LAPTM4A: variants seen among roughly 807,000 people sequenced by gnomAD.
LAPTM4A encodes the protein lysosomal protein transmembrane 4 alpha.
A neutral mutation model predicts 29.9 loss-of-function variants in LAPTM4A; 19 were observed. The observed-to-expected ratio is 0.64, with a 90% CI of 0.44 to 0.93. The LOEUF (loss-of-function observed/expected upper bound fraction) is 0.93. Ranked by LOEUF, LAPTM4A falls within the 40% of genes least tolerant of loss-of-function variation. LAPTM4A has a pLI of 0.00. For synonymous variants in LAPTM4A, 105 were observed against 102.1 expected (o/e 1.03, Z -0.17); for missense variants, 293 against 288.5 (o/e 1.02, Z -0.11).
At chr2:20,046,201 G>A (rs1464493124) in intron 1 of LAPTM4A, among the ~76,000 whole-genome samples, 3 of 152,156 alleles carry the variant, frequency 2.0e-5, no homozygotes, top group Admixed American at 6.5e-5. Context: ...GCCTGTCAGC[G>A]GGTGGCGGGC....
At chr2:20,041,992 T>A (rs1445158087) in intron 1 of LAPTM4A, among the ~76,000 whole-genome samples, 2 of 152,230 alleles carry the variant, frequency 1.3e-5, no homozygotes, top group East Asian at 3.9e-4. Context: ...TTCCCTTTTG[T>A]CTTCCTCTTT....
At chr2:20,034,440 C>T (rs772620088) in intron 5 of LAPTM4A, 25 bp from the exon 6 acceptor site, 2 of 1,486,860 alleles carry the variant, frequency 1.3e-6, no homozygotes, top group Non-Finnish European at 1.9e-6. Flanking sequence ...ACAAAGTTGA[C>T]ATCTGCTAGA....
In LAPTM4A at chr2:20,048,164, G is replaced by A. The variant is rs1558387529; in HGVS notation, c.111+3246C>T. Among the ~76,000 whole-genome samples the A allele has an allele frequency of 2.0e-5, 3 of 152,132 alleles. No homozygotes were observed. The South Asian group carries it at 6.2e-4, about 32-fold the overall frequency. ...AATGCTCAAAATGTAGTCTTGTAGTGCACACCATTAATCACAAAGTATATC... is the reference window on the plus strand; with the variant it reads ...AATGCTCAAAATGTAGTCTTGTAGTACACACCATTAATCACAAAGTATATC... On this transcript the variant is annotated intron_variant, in intron 1 of 6. Transcript: ENST00000175091.
At chr2:20,045,645 T>C (rs1056714525) in intron 1 of LAPTM4A, among the ~76,000 whole-genome samples, 1 of 152,188 alleles carries the variant, frequency 6.6e-6, no homozygotes, top group Non-Finnish European at 1.5e-5. Flanking sequence ...TTCTACATCT[T>C]ATGTAAGTGT....
chr2:20,049,837 G>C (rs1674013632), intron 1 of LAPTM4A, among the ~76,000 whole-genome samples: 1 of 152,140 alleles, frequency 6.6e-6, no homozygotes, highest in African/African-American at 2.4e-5. Context: ...AGACGGAATT[G>C]AGTAATAGCC....
chr2:20,035,078 A>C lies in LAPTM4A; in HGVS notation c.433-16T>G. 6.4e-7 allele frequency: 1 copy of C among 1,559,612 alleles called. No individual in the cohort carries two copies. The highest frequency in any genetic ancestry group is 8.8e-7 in the Non-Finnish European group (1 of 1,132,584). On this transcript the variant is annotated splice_polypyrimidine_tract_variant and intron_variant, in intron 4 of 6. Coordinates refer to ENST00000175091, the MANE Select transcript of LAPTM4A (RefSeq NM_014713.5). ...GAAAATCAGGCTATTAAAGAAACAC[A>C]CACACATTTACAAGTCAGCCATCGC...
intron 2 of LAPTM4A, among the ~76,000 whole-genome samples, chr2:20,037,935 T>C (rs1346124441): frequency 6.6e-6 from 1 of 152,136 alleles, no homozygotes; most frequent in African/African-American, 2.4e-5. Flanking sequence ...AATCTGAAGA[T>C]GTGCAAACAG....
chr2:20,034,523 G>A, intron 5 of LAPTM4A, 108 bp from the exon 6 acceptor site: 1 of 769,438 alleles, frequency 1.3e-6, no homozygotes, highest in Non-Finnish European at 2.3e-6. Context: ...TGTGTAGAAG[G>A]GAGCTGACCT....
chr2:20,039,499 A>C (rs1673748144), intron 2 of LAPTM4A, among the ~76,000 whole-genome samples: 4 of 152,172 alleles, frequency 2.6e-5, no homozygotes. Flanking sequence ...CATGCCTGTA[A>C]TCTCAGCACT....
chr2:20,035,345 C>T (rs1673658057), intron 4 of LAPTM4A: 2 of 367,326 alleles, frequency 5.4e-6, no homozygotes, highest in Non-Finnish European at 1.0e-5. Context: ...TCTTTCTGGC[C>T]TTTGGAAAAA....
At chr2:20,047,639 G>A (rs1370914849) in intron 1 of LAPTM4A, among the ~76,000 whole-genome samples, 2 of 148,870 alleles carry the variant, frequency 1.3e-5, no homozygotes, top group East Asian at 2.0e-4. Context: ...GCAGTGAGCC[G>A]AGATTGCGCC....
Position 20,040,954 on chromosome 2 carries a change from T to G in LAPTM4A, c.169A>C (p.Met57Leu). 1 of 1,613,550 alleles carries G rather than the reference T, an allele frequency of 6.2e-7. No homozygotes were observed. Among genetic ancestry groups the G allele is most frequent in the Non-Finnish European group, 8.5e-7 (1 of 1,179,440 alleles). The change falls in exon 2 of 7, where the codon ATG (methionine) becomes CTG (leucine). Residue 57 changes from methionine (M) to leucine (L), a missense_variant. Coordinates refer to ENST00000175091, the MANE Select transcript of LAPTM4A (RefSeq NM_014713.5). ...TCATACTGAATGTTGACAGCTGGCA[T>G]GGAGTTTGGATGAGTCACTTCCACA... ...LTVEVTHPNS[M>L]PAVNIQYEVI... is the part of the protein sequence containing the mutation.
At chr2:20,038,923 C>CTTTTTTTT (rs530861842) in intron 2 of LAPTM4A, among the ~76,000 whole-genome samples, 1 of 148,232 alleles carries the variant, frequency 6.7e-6, no homozygotes. Context: ...GTATATACAA[C>CTTTTTTTT]TTTTTTTTTT....
intron 1 of LAPTM4A, among the ~76,000 whole-genome samples, chr2:20,048,970 T>A (rs1325849536): frequency 1.3e-5 from 2 of 152,222 alleles, no homozygotes; most frequent in Non-Finnish European, 2.9e-5. Flanking sequence ...AAGCTACTCT[T>A]TTGAAAGTCA....
At position 20,033,252 on chromosome 2, in the gene LAPTM4A, C is replaced by A. The variant is rs745859129; in HGVS notation, c.655G>T (p.Val219Leu). ...GGTGGTTCTTTTTCAGGCATTTTCA[C>A]GGCCATTTCATAGGTTGGCAAAACG... is the stretch of plus-strand genomic sequence containing the variant. The part of the protein sequence containing the change: ...QYVLPTYEMA[V>L]KMPEKEPPPP... Residue 219 changes from valine to leucine, a missense_variant, in exon 7 of 7, where the codon GTG becomes TTG. Physicochemically the swap from Val to Leu is conservative, Grantham distance 32. Transcript: ENST00000175091. The A allele has an allele frequency of 6.2e-7, 1 of 1,613,982 alleles. No individual in the cohort carries two copies. The highest frequency in any genetic ancestry group is 8.5e-7 in the Non-Finnish European group (1 of 1,179,932).
intron 1 of LAPTM4A, among the ~76,000 whole-genome samples, chr2:20,044,233 A>G (rs1673864718): frequency 6.6e-6 from 1 of 152,212 alleles, no homozygotes; most frequent in Non-Finnish European, 1.5e-5. Flanking sequence ...CAACTAGGTG[A>G]ATTAATTACT....
At position 20,051,488 on chromosome 2, in the gene LAPTM4A, A is replaced by G; in HGVS notation, c.33T>C (p.Ser11=). The G allele has an allele frequency of 1.2e-6, 2 of 1,611,948 alleles. No homozygotes were observed. The highest frequency in any genetic ancestry group is 1.7e-6 in the Non-Finnish European group (2 of 1,179,016). The change falls in exon 1 of 7, where the codon AGT becomes AGC. Residue 11 remains serine, a synonymous_variant. Transcript: ENST00000175091. MVSMSFKRNR[S]DRFYSTRCCG... ...AGCACCGGGTGCTGTAGAACCGGTCACTGCGGTTCCGCTTGAAACTCATGG... is the reference window on the plus strand; with the variant it reads ...AGCACCGGGTGCTGTAGAACCGGTCGCTGCGGTTCCGCTTGAAACTCATGG...
intron 4 of LAPTM4A, 36 bp downstream of exon 4, chr2:20,037,280 G>T (rs1450356654): frequency 6.8e-7 from 1 of 1,473,416 alleles, no homozygotes; most frequent in Non-Finnish European, 9.2e-7. Context: ...TACTCAAAAT[G>T]AAAAAAAAAT....
rs1234715681 is a variant in LAPTM4A, at chr2:20,051,452, G to T, written c.69C>A (p.Cys23Ter). Residue 23 changes from cysteine to a stop codon, truncating the protein, a stop_gained, in exon 1 of 7, where the codon TGC (cysteine) becomes TGA (stop). Coordinates refer to ENST00000175091, the MANE Select transcript of LAPTM4A (RefSeq NM_014713.5). LOFTEE classifies it high-confidence loss of function. ...GGATGATCGTCCCGGTGCGGACATG[G>T]CAACAGCCGCAGCACCGGGTGCTGT... ...RFYSTRCCGC[C>*]HVRTGTIILG... is the part of the protein sequence containing the mutation. 1.2e-6 allele frequency: 2 copies of T among 1,613,296 alleles called. No homozygotes were observed. The highest frequency in any genetic ancestry group is 4.5e-5 in the East Asian group (2 of 44,854).
Sources: allele counts gnomAD v4.1 joint callset (sites outside exome capture counted in the v4.1 genomes callset), GRCh38; gene constraint gnomAD v4.1.1; transcripts MANE v1.5; gene names NCBI Gene and HGNC (gene_info 2026-07-23, HGNC 2026-07-21).